BRD4: variants seen among roughly 807,000 people sequenced by gnomAD.
BRD4 encodes bromodomain-containing protein 4.
In BRD4, 16 loss-of-function variants were observed where a neutral mutation model predicts 142.1. The observed-to-expected ratio is 0.11, with a 90% CI of 0.08 to 0.17. The LOEUF (loss-of-function observed/expected upper bound fraction) is 0.17. Ranked by LOEUF, BRD4 falls within the 10% of genes least tolerant of loss-of-function variation. The probability of loss-of-function intolerance (pLI) is 1.00; values close to 1 mark genes in which losing one functional copy is unlikely to be tolerated. For missense variants in BRD4, 1,424 were observed against 1,810.9 expected (o/e 0.79, Z 3.88); for synonymous variants, 833 against 707.5 (o/e 1.18, Z -2.82).
intron 1 of BRD4, among the ~76,000 whole-genome samples, chr19:15,307,149 TCTC>T (rs1265440028): frequency 1.3e-4 from 19 of 151,858 alleles, no homozygotes; most frequent in African/African-American, 3.9e-4. Flanking sequence ...TCAGGCCAAG[TCTC>T]CTCAAGTTGA....
At chr19:15,258,072 G>C (rs1166982433) in intron 7 of BRD4, among the ~76,000 whole-genome samples, 1 of 152,164 alleles carries the variant, frequency 6.6e-6, no homozygotes. Flanking sequence ...CACAGGCCTG[G>C]CTTCCCAGCA....
chr19:15,237,642 A>C lies in BRD4; in HGVS notation c.*735T>G, dbSNP rs2047204070. 8.6e-6 allele frequency: 2 copies of C among 231,840 alleles called. No individual in the cohort carries two copies. The highest frequency in any genetic ancestry group is 1.1e-4 in the Admixed American group (2 of 17,724). The allele number at this position is 231,840 out of a possible 1,614,324, so 14.4% of individuals were successfully genotyped here. On this transcript the variant is annotated 3_prime_UTR_variant, in exon 20 of 20. Coordinates refer to ENST00000679869, the MANE Select transcript of BRD4 (RefSeq NM_001379291.1). ...ATATAGAAAAAAAAGAAAAAAAAAA[A>C]CGAAACAGAAACACAGGTGGGAAGG...
At chr19:15,330,455 C>A (rs936241416) in intron 1 of BRD4, among the ~76,000 whole-genome samples, 4 of 152,042 alleles carry the variant, frequency 2.6e-5, no homozygotes, top group African/African-American at 9.7e-5. Flanking sequence ...CAAATTAAAC[C>A]GAAATAAATG....
intron 1 of BRD4, among the ~76,000 whole-genome samples, chr19:15,314,759 C>G (rs1264783309): frequency 6.6e-6 from 1 of 152,184 alleles, no homozygotes; most frequent in Non-Finnish European, 1.5e-5. Flanking sequence ...CCACAGGGGA[C>G]AGTGGCTACC....
intron 1 of BRD4, among the ~76,000 whole-genome samples, chr19:15,327,907 T>G (rs2048122716): frequency 1.2e-5 from 1 of 80,332 alleles, no homozygotes. Context: ...TGATAGGTAA[T>G]GGATTTCTTT....
chr19:15,257,193 C>A lies in BRD4; in HGVS notation c.1342-20G>T. The A allele has an allele frequency of 6.3e-7, 1 of 1,580,092 alleles. No homozygotes were observed. Among genetic ancestry groups the A allele is most frequent in the Non-Finnish European group, 8.6e-7 (1 of 1,163,946 alleles). The stretch of plus-strand genomic sequence containing the variant: ...CACATCCTGGTGAGGGAAAGACATG[C>A]TGTGACGGCTGCTGGGTACCCAGGC... On this transcript the variant is annotated intron_variant, in intron 7 of 19. Coordinates refer to ENST00000679869, the MANE Select transcript of BRD4 (RefSeq NM_001379291.1).
chr19:15,303,944 T>A (rs1321559144), intron 1 of BRD4, among the ~76,000 whole-genome samples: 1 of 152,194 alleles, frequency 6.6e-6, no homozygotes, highest in Non-Finnish European at 1.5e-5. Flanking sequence ...CCATGCAGAA[T>A]GCTTGGAGTG....
rs533345177 is a variant in BRD4, at chr19:15,287,384, C to A, written c.-34-14251G>T. ...GTGCATTCACGCTACTATGCAATCA[C>A]TATCTAGCTCCAGAACTTTTTAATT... On this transcript the variant is annotated intron_variant, in intron 1 of 19. Transcript: ENST00000679869. 5.3e-5 allele frequency among the ~76,000 whole-genome samples: 8 copies of A among 152,242 alleles called. No individual in the cohort carries two copies. The East Asian group carries it at 1.5e-3, about 29-fold the overall frequency.
chr19:15,308,350 A>G (rs1170448088), intron 1 of BRD4, among the ~76,000 whole-genome samples: 1 of 151,606 alleles, frequency 6.6e-6, no homozygotes, highest in Non-Finnish European at 1.5e-5. Context: ...GCACTTTGGG[A>G]GGCCCAGGCG....
At chr19:15,324,045 G>T (rs1424623099) in intron 1 of BRD4, among the ~76,000 whole-genome samples, 1 of 152,146 alleles carries the variant, frequency 6.6e-6, no homozygotes, top group African/African-American at 2.4e-5. Flanking sequence ...AGGCCAGAAG[G>T]GGGTGGGGCT....
In BRD4 at chr19:15,248,925, G is replaced by A. The variant is rs2047316033; in HGVS notation, c.2159-4163C>T. 4 of 377,874 alleles carry A rather than the reference G, an allele frequency of 1.1e-5. No homozygotes were observed. In the East Asian group the frequency reaches 1.7e-4, roughly 16 times the overall value. 23.4% of individuals were successfully genotyped at this position (377,874 alleles called of 1,614,324 possible). ...GAAAACATACTTGGGGTCTGGCTTT[G>A]CACACAGAGTAGCACCACATGAATG... On this transcript the variant is annotated intron_variant, in intron 11 of 19. Transcript: ENST00000679869.
At chr19:15,262,638 G>A (rs766505421) in intron 7 of BRD4, among the ~76,000 whole-genome samples, 28 of 151,770 alleles carry the variant, frequency 1.8e-4, no homozygotes, top group Non-Finnish European at 3.1e-4. Context: ...TGGGAGGATC[G>A]CTTGAACCTG....
intron 13 of BRD4, among the ~76,000 whole-genome samples, chr19:15,243,995 TGTCA>T (rs1395514539): frequency 1.3e-5 from 2 of 152,250 alleles, no homozygotes; most frequent in Non-Finnish European, 2.9e-5. Flanking sequence ...ACTCAAATGA[TGTCA>T]GTGTTTTAGA....
At chr19:15,305,860 C>T (rs181411230) in intron 1 of BRD4, among the ~76,000 whole-genome samples, 1 of 152,340 alleles carries the variant, frequency 6.6e-6, no homozygotes, top group Admixed American at 6.5e-5. Context: ...TATCAATTAT[C>T]TTAGCTAGAT....
chr19:15,239,674 C>T lies in BRD4; in HGVS notation c.3430G>A (p.Val1144Ile), dbSNP rs200957651. Residue 1144 changes from valine (V) to isoleucine (I), a missense_variant, in exon 16 of 20, where the codon GTC becomes ATC. Transcript: ENST00000679869. This position sits in a 1 kb window ranked among gnomAD's most constrained non-coding sequence, Gnocchi z 7.4. ...PKHPESIKAP[V>I]HLPQRPEMKP... ...GAGCACTCACGCTGGGGCAGGTGGACGGGGGCCTTGATGCTCTCCGGGTGC... is the reference window on the plus strand; with the variant it reads ...GAGCACTCACGCTGGGGCAGGTGGATGGGGGCCTTGATGCTCTCCGGGTGC... The T allele has an allele frequency of 8.8e-5, 140 of 1,583,850 alleles. No individual in the cohort carries two copies. The African/African-American group carries it at 1.4e-3, about 16-fold the overall frequency.
rs57341445 is a variant in BRD4, at chr19:15,292,777, CAAAAAAAAAAAAAAAAAAAAA to C, written c.-34-19665_-34-19645del. 5.6e-4 allele frequency among the ~76,000 whole-genome samples: 32 copies of C among 57,256 alleles called. 1 individual carries two copies. Among genetic ancestry groups the C allele is most frequent in the Admixed American group, 1.8e-3 (7 of 3,792 alleles). The allele number at this position is 57,256 out of a possible 152,430, so 37.6% of individuals were successfully genotyped here. A position where few individuals can be genotyped will look rare whatever the true frequency, so the allele number is the denominator to read the frequency against. On this transcript the variant is annotated intron_variant, in intron 1 of 19. Coordinates refer to ENST00000679869, the MANE Select transcript of BRD4 (RefSeq NM_001379291.1). ...TAGGTGACAGATCAAGACTCCGTCTCAAAAAAAAAAAAAAAAAAAAAAAAAAAAAAAAAAAAAAGAAAGAAA... is the reference window on the plus strand; with the variant it reads ...TAGGTGACAGATCAAGACTCCGTCTCAAAAAAAAAAAAAAAAAGAAAGAAA...
At position 15,237,079 on chromosome 19, in the gene BRD4, G is replaced by A; in HGVS notation, c.*1298C>T. 4.7e-6 allele frequency: 1 copy of A among 211,228 alleles called. No homozygotes were observed. The highest frequency in any genetic ancestry group is 9.5e-6 in the Non-Finnish European group (1 of 104,950). The allele number at this position is 211,228 out of a possible 1,614,324, so 13.1% of individuals were successfully genotyped here. The stretch of plus-strand genomic sequence containing the variant: ...CCAGCTGGTTGGGGCTGGGCGCCAG[G>A]TAGGGGAGTCTCTGCCTTAGTCTGT... On this transcript the variant is annotated 3_prime_UTR_variant, in exon 20 of 20. Coordinates refer to ENST00000679869, the MANE Select transcript of BRD4 (RefSeq NM_001379291.1).
In BRD4 at chr19:15,244,749, C is replaced by T. The variant is rs2047270794; in HGVS notation, c.2172G>A (p.Lys724=). The change falls in exon 12 of 20, where the codon AAG becomes AAA. Residue 724 remains lysine, a synonymous_variant. Transcript: ENST00000679869. ...SEDSETEMAP[K]SKKKGHPGRE... ...TCCCGGGGTGCCCCTTCTTTTTTGA[C>T]TTCGGAGCCATCTCTGCAGAGGAAA... 3 of 1,613,984 alleles carry T rather than the reference C, an allele frequency of 1.9e-6. No homozygotes were observed. The highest frequency in any genetic ancestry group is 1.3e-5 in the African/African-American group (1 of 74,888).
chr19:15,294,865 T>C (rs565552050), intron 1 of BRD4, among the ~76,000 whole-genome samples: 194 of 152,248 alleles, frequency 1.3e-3, no homozygotes, highest in African/African-American at 4.2e-3. Context: ...GTCAAGGATA[T>C]TGAAAGGTGT....
Sources: allele counts gnomAD v4.1 joint callset (sites outside exome capture counted in the v4.1 genomes callset), GRCh38; gene constraint gnomAD v4.1.1; non-coding constraint Gnocchi (gnomAD v3.1); transcripts MANE v1.5; gene names NCBI Gene and HGNC (gene_info 2026-07-23, HGNC 2026-07-21).